The following EXOC4 variants were observed in gnomAD, a reference collection of about 807,000 sequenced individuals.
EXOC4 encodes the protein exocyst complex component 4, also known as SEC8-like 1.
A neutral mutation model predicts 107.2 loss-of-function variants in EXOC4; 71 were observed. The observed-to-expected ratio is 0.66, with a 90% confidence interval of 0.55 to 0.81. The LOEUF is 0.81. EXOC4 is among the 30% of genes least tolerant of loss of function. The probability of loss-of-function intolerance (pLI) is 0.00; values close to 1 mark genes in which losing one functional copy is unlikely to be tolerated. For missense variants in EXOC4, 1,108 were observed against 1,189.6 expected (o/e 0.93, Z 1.01); for synonymous variants, 456 against 441.2 (o/e 1.03, Z -0.42).
At position 133,981,909 on chromosome 7, in the gene EXOC4, T is replaced by C. The variant is rs193120552; in HGVS notation, c.2207-15583T>C. 6.2e-3 allele frequency among the ~76,000 whole-genome samples: 947 copies of C among 152,316 alleles called. 6 individuals are homozygous for C. Among genetic ancestry groups the C allele is most frequent in the Non-Finnish European group, 0.011 (731 of 68,020 alleles). ...AAAATGTGGTCCATATATACCATGG[T>C]AGACCATGCAGCCATAAAGAAGAAC... On this transcript the variant is annotated intron_variant, in intron 14 of 17. Coordinates refer to ENST00000253861, the MANE Select transcript of EXOC4 (RefSeq NM_021807.4).
chr7:133,779,803 C>T (rs772627931), intron 10 of EXOC4, among the ~76,000 whole-genome samples: 7 of 152,032 alleles, frequency 4.6e-5, no homozygotes, highest in Non-Finnish European at 8.8e-5. Flanking sequence ...CCAATCAGCT[C>T]TCTGTAAAAT....
At chr7:133,743,385 G>A (rs1394065019) in intron 10 of EXOC4, among the ~76,000 whole-genome samples, 1 of 152,150 alleles carries the variant, frequency 6.6e-6, no homozygotes, top group Admixed American at 6.5e-5. Flanking sequence ...AGCTGTATTT[G>A]TTTTAGAGCA....
intron 7 of EXOC4, among the ~76,000 whole-genome samples, chr7:133,454,517 A>G (rs527594506): frequency 1.1e-4 from 17 of 152,242 alleles, no homozygotes; most frequent in Middle Eastern, 3.4e-3. Flanking sequence ...TGCAGGTCTC[A>G]TACTCCTGGC....
rs75576952 is a variant in EXOC4 at position 133,563,539 on chromosome 7, G to T, written c.1418-66506G>T. On this transcript the variant is annotated intron_variant, in intron 9 of 17. Transcript: ENST00000253861. ...TTATTTTTAAGATCCCAAAGACAAG[G>T]ATGCTTATCTGTTAAAGCCTTTTCC... is the stretch of plus-strand genomic sequence containing the variant. 2.6e-5 allele frequency among the ~76,000 whole-genome samples: 4 copies of T among 152,288 alleles called. No individual in the cohort carries two copies. The East Asian group carries it at 7.7e-4, about 29-fold the overall frequency.
At chr7:133,578,524 C>A (rs1054132155) in intron 9 of EXOC4, among the ~76,000 whole-genome samples, 7 of 152,084 alleles carry the variant, frequency 4.6e-5, no homozygotes, top group Admixed American at 3.9e-4. Context: ...ATATATAACC[C>A]TGACATGGTG....
intron 2 of EXOC4, among the ~76,000 whole-genome samples, chr7:133,277,918 G>T (rs940947739): frequency 1.2e-4 from 19 of 152,170 alleles, no homozygotes; most frequent in African/African-American, 4.6e-4. Context: ...TGAAATATAG[G>T]TGTGTATTTT....
At chr7:133,855,036 AATATAT>A (rs557564853) in intron 11 of EXOC4, among the ~76,000 whole-genome samples, 7 of 88,482 alleles carry the variant, frequency 7.9e-5, no homozygotes, top group Admixed American at 4.8e-4. Flanking sequence ...TATATATCTA[AATATAT>A]ATATATCTAA....
intron 9 of EXOC4, among the ~76,000 whole-genome samples, chr7:133,586,473 C>T (rs939639963): frequency 2.0e-5 from 3 of 152,162 alleles, no homozygotes; most frequent in Admixed American, 2.0e-4. Context: ...CATAGTATTC[C>T]ATGGTCGTGT....
chr7:133,477,613 C>T (rs1314183870), intron 8 of EXOC4, among the ~76,000 whole-genome samples: 1 of 152,146 alleles, frequency 6.6e-6, no homozygotes, highest in African/African-American at 2.4e-5. Context: ...GCTTTAAACA[C>T]TCATATGCAG....
chr7:133,557,305 A>AT (rs886805556), intron 9 of EXOC4, among the ~76,000 whole-genome samples: 9 of 150,832 alleles, frequency 6.0e-5, no homozygotes, highest in Non-Finnish European at 1.0e-4. Flanking sequence ...CTTAGGTTGC[A>AT]TTTTTTTTCA....
chr7:133,849,270 A>G (rs548327545), intron 11 of EXOC4, among the ~76,000 whole-genome samples: 3 of 152,296 alleles, frequency 2.0e-5, no homozygotes, highest in South Asian at 2.1e-4. Context: ...AAGAAATTCA[A>G]TTAGCTGGGC....
At chr7:133,425,501 G>A (rs1447026985) in intron 7 of EXOC4, among the ~76,000 whole-genome samples, 2 of 151,982 alleles carry the variant, frequency 1.3e-5, no homozygotes, top group East Asian at 1.9e-4. Context: ...TGCCCAGGCT[G>A]GTCTCGAACT....
chr7:133,706,118 TTCCC>T (rs1015152913), intron 10 of EXOC4, among the ~76,000 whole-genome samples: 1 of 152,202 alleles, frequency 6.6e-6, no homozygotes, highest in Non-Finnish European at 1.5e-5. Context: ...GTGTATAAAC[TTCCC>T]TCCCAGCGAG....
intron 9 of EXOC4, among the ~76,000 whole-genome samples, chr7:133,594,163 T>C (rs1314171574): frequency 6.6e-6 from 1 of 152,236 alleles, no homozygotes; most frequent in African/African-American, 2.4e-5. Context: ...TGAACCACTT[T>C]GATGCAAAGT....
At chr7:134,071,076 A>G (rs1796267914), downstream of EXOC4, among the ~76,000 whole-genome samples, 1 of 152,222 alleles carries the variant, frequency 6.6e-6, no homozygotes, top group Admixed American at 6.5e-5. Context: ...GTTATTCTAG[A>G]CACCATTTAT....
At chr7:134,088,629 A>G in the EXOC4 span, among the ~76,000 whole-genome samples, 49 of 152,258 alleles carry the variant, frequency 3.2e-4, 1 homozygote, top group Middle Eastern at 3.4e-3. Flanking sequence ...GTCTATTCTA[A>G]TGTCACAATT....
intron 10 of EXOC4, among the ~76,000 whole-genome samples, chr7:133,649,585 C>T (rs182656770): frequency 2.3e-4 from 35 of 150,450 alleles, no homozygotes; most frequent in Admixed American, 4.0e-4. Flanking sequence ...TTTCTCTTGG[C>T]TTTCCTGTAT....
intron 12 of EXOC4, among the ~76,000 whole-genome samples, chr7:133,899,679 A>G (rs756466101): frequency 5.3e-5 from 8 of 149,556 alleles, no homozygotes; most frequent in Non-Finnish European, 8.9e-5. Flanking sequence ...TCCATTACCC[A>G]TTAGCTTGGC....
chr7:133,425,333 G>T (rs938241495), intron 7 of EXOC4, among the ~76,000 whole-genome samples: 4 of 152,114 alleles, frequency 2.6e-5, no homozygotes, highest in African/African-American at 9.7e-5. Flanking sequence ...TGTCACCTAG[G>T]CTGGAGTGCA....
Sources: allele counts gnomAD v4.1 joint callset (sites outside exome capture counted in the v4.1 genomes callset), GRCh38; gene constraint gnomAD v4.1.1; transcripts MANE v1.5; gene names NCBI Gene and HGNC (gene_info 2026-07-23, HGNC 2026-07-21).